WDR26: variants seen among roughly 807,000 people sequenced by gnomAD.
WDR26 encodes WD repeat domain 26.
WDR26 carries 5 observed loss-of-function variants against 84.1 expected under a neutral mutation model. The observed-to-expected ratio is 0.06, with a 90% confidence interval of 0.03 to 0.13. WDR26 has a LOEUF of 0.13. Among genes scored for constraint, WDR26 ranks in the 10% least tolerant of loss-of-function variants. The pLI is 1.00. For missense variants in WDR26, 642 were observed against 974.9 expected (o/e 0.66, Z 4.55); for synonymous variants, 415 against 389.6 (o/e 1.07, Z -0.77).
intron 8 of WDR26, 124 bp downstream of exon 8, chr1:224,404,306 A>G: frequency 8.6e-7 from 1 of 1,157,442 alleles, no homozygotes; most frequent in Non-Finnish European, 1.1e-6. Flanking sequence ...TTGAATAACT[A>G]AGAGATACAG....
At chr1:224,391,984 T>C (rs928491686) in intron 13 of WDR26, among the ~76,000 whole-genome samples, 19 of 152,178 alleles carry the variant, frequency 1.2e-4, no homozygotes, top group Non-Finnish European at 2.1e-4. Flanking sequence ...AAAATTTGGC[T>C]CACTCACCAA....
chr1:224,433,654 C>T (rs1273408878), intron 1 of WDR26, 30 bp downstream of exon 1: 4 of 1,441,856 alleles, frequency 2.8e-6, no homozygotes, highest in Non-Finnish European at 3.6e-6. Flanking sequence ...TCGGTCTGTC[C>T]ATCACCAGCT....
At chr1:224,418,124 G>T in intron 6 of WDR26, 136 bp downstream of exon 6, 1 of 657,848 alleles carries the variant, frequency 1.5e-6, no homozygotes, top group Non-Finnish European at 2.3e-6. Context: ...AATTTTCATA[G>T]TTCCAGCTTT....
chr1:224,421,929 T>A (rs1359081537), intron 4 of WDR26, among the ~76,000 whole-genome samples: 2 of 152,212 alleles, frequency 1.3e-5, no homozygotes, highest in African/African-American at 2.4e-5. Flanking sequence ...TTTCCTTATC[T>A]GCAAGGAATG....
intron 1 of WDR26, among the ~76,000 whole-genome samples, chr1:224,432,289 C>T (rs1366144772): frequency 6.6e-6 from 1 of 152,160 alleles, no homozygotes; most frequent in Non-Finnish European, 1.5e-5. Context: ...TCTCTCTATA[C>T]TAAAAATAGC....
At chr1:224,398,286 G>C (rs1369418801) in intron 11 of WDR26, 60 bp from the exon 12 acceptor site, 1 of 1,569,340 alleles carries the variant, frequency 6.4e-7, no homozygotes, top group Non-Finnish European at 8.6e-7. Context: ...ATTTTAAAAA[G>C]TATCTGTAAA....
At chr1:224,391,393 AACCTTAATT>A (rs1673124612) in intron 13 of WDR26, among the ~76,000 whole-genome samples, 1 of 151,402 alleles carries the variant, frequency 6.6e-6, no homozygotes, top group South Asian at 2.1e-4. Context: ...ACAAAAAAAA[AACCTTAATT>A]CTACTGTTAA....
Position 224,434,077 on chromosome 1 carries a change from C to T in WDR26, c.329G>A (p.Gly110Glu). ...TCCACCGCCGCCGCCGCCACCTCCT[C>T]CTCCTCCTCCTGCCCCATTGGCCTG... is the stretch of plus-strand genomic sequence containing the variant. The change falls in exon 1 of 14, where the codon GGA becomes GAA. Residue 110 changes from glycine to glutamate, a missense_variant. Coordinates refer to ENST00000414423, the MANE Select transcript of WDR26 (RefSeq NM_001379403.1). 4 of 1,450,052 alleles carry T rather than the reference C, an allele frequency of 2.8e-6. No individual in the cohort carries two copies. The highest frequency in any genetic ancestry group is 1.4e-5 in the South Asian group (1 of 70,936). The allele number at this position is 1,450,052 out of a possible 1,614,324, so 89.8% of individuals were successfully genotyped here. A position where few individuals can be genotyped will look rare whatever the true frequency, so the allele number is the denominator to read the frequency against.
intron 3 of WDR26, among the ~76,000 whole-genome samples, chr1:224,427,586 G>A (rs758176517): frequency 6.6e-6 from 1 of 152,178 alleles, no homozygotes; most frequent in East Asian, 1.9e-4. Context: ...TTCTCTATGA[G>A]TCATTTTATC....
chr1:224,394,505 C>CT lies in WDR26; in HGVS notation c.2075-493dup, dbSNP rs34687215. Among the ~76,000 whole-genome samples, 812 of 146,438 alleles carry CT rather than the reference C, an allele frequency of 5.5e-3. 4 individuals are homozygous for CT. The highest frequency in any genetic ancestry group is 0.011 in the Middle Eastern group (3 of 284). ...CCATAAAATGGGTATTCTGCTTATC[C>CT]TTTTTTTTTTTTTCTTTGAGACGGA... On this transcript the variant is annotated intron_variant, in intron 12 of 13. Transcript: ENST00000414423.
At chr1:224,418,683 A>T (rs538085404) in intron 5 of WDR26, among the ~76,000 whole-genome samples, 2 of 152,340 alleles carry the variant, frequency 1.3e-5, no homozygotes, top group Admixed American at 6.5e-5. Flanking sequence ...GTGAGGAATA[A>T]CAACAACAAA....
intron 3 of WDR26, chr1:224,429,545 G>A (rs77835664): frequency 6.6e-6 from 1 of 152,148 alleles, no homozygotes; most frequent in Non-Finnish European, 1.5e-5. Context: ...CAATTAGAGA[G>A]GTGAAGAGCA....
chr1:224,429,322 G>C (rs1217834518), intron 3 of WDR26: 2 of 151,412 alleles, frequency 1.3e-5, no homozygotes, highest in Non-Finnish European at 2.9e-5. Flanking sequence ...GCTGTAGAGA[G>C]AGTGGATTGG....
chr1:224,416,722 T>C (rs959625202), intron 6 of WDR26, among the ~76,000 whole-genome samples: 63 of 152,190 alleles, frequency 4.1e-4, no homozygotes, highest in African/African-American at 1.4e-3. Flanking sequence ...CTTGAACCAT[T>C]ATGTCTAGTC....
In WDR26 at chr1:224,389,830, C is replaced by G. The variant is rs1198196158; in HGVS notation, c.*5G>C. Reference sequence around the variant, plus strand: ...AAACAGAAGTCGTCTGCTCCAAATTCACCATCAACTATCCATGCTACTGCA... The same window carrying G: ...AAACAGAAGTCGTCTGCTCCAAATTGACCATCAACTATCCATGCTACTGCA... On this transcript the variant is annotated 3_prime_UTR_variant, in exon 14 of 14. Transcript: ENST00000414423. 3.2e-6 allele frequency: 5 copies of G among 1,557,110 alleles called. No homozygotes were observed. The East Asian group carries it at 1.3e-4, about 39-fold the overall frequency.
At position 224,418,306 on chromosome 1, in the gene WDR26, T is replaced by G; in HGVS notation, c.1273A>C (p.Asn425His). The G allele has an allele frequency of 6.2e-7, 1 of 1,613,560 alleles. No individual in the cohort carries two copies. Among genetic ancestry groups the G allele is most frequent in the South Asian group, 1.1e-5 (1 of 90,950 alleles). ...AGCAGAGACACAGAATCTAGATTAT[T>G]ATCAAGTTTGGTATTGTGATATAGG... The change falls in exon 6 of 14, where the codon AAT (asparagine) becomes CAT (histidine). Residue 425 changes from asparagine (N) to histidine (H), a missense_variant. Asn to His is a moderately conservative substitution (Grantham distance 68). Transcript: ENST00000414423.
At chr1:224,421,467 G>C (rs1008945573) in intron 4 of WDR26, among the ~76,000 whole-genome samples, 2 of 152,192 alleles carry the variant, frequency 1.3e-5, no homozygotes, top group Non-Finnish European at 2.9e-5. Context: ...GTGCATGCCT[G>C]TAATCCCAGC....
chr1:224,408,829 TTTG>T (rs1673654814), intron 7 of WDR26, among the ~76,000 whole-genome samples: 1 of 152,138 alleles, frequency 6.6e-6, no homozygotes, highest in South Asian at 2.1e-4. Context: ...TTCATTGAAT[TTTG>T]TTTTCATTTA....
intron 6 of WDR26, 131 bp from the exon 7 acceptor site, chr1:224,411,696 T>C (rs1673742330): frequency 1.9e-6 from 2 of 1,068,464 alleles, no homozygotes; most frequent in South Asian, 1.9e-5. Context: ...GTGAATGCAT[T>C]TGTAAATCTT....
Sources: allele counts gnomAD v4.1 joint callset (sites outside exome capture counted in the v4.1 genomes callset), GRCh38; gene constraint gnomAD v4.1.1; transcripts MANE v1.5; gene names NCBI Gene and HGNC (gene_info 2026-07-23, HGNC 2026-07-21).